The following ARCN1 variants were observed in gnomAD, a reference collection of about 807,000 sequenced individuals.
ARCN1 encodes the protein archain 1 coat protein complex I subunit delta.
Under a neutral mutation model 60.4 loss-of-function variants are expected in ARCN1, and 5 were observed. That is an observed-to-expected ratio of 0.08 (90% confidence interval 0.04 to 0.17). The LOEUF (loss-of-function observed/expected upper bound fraction) is 0.17, where lower values mean the gene tolerates loss of function less well. Ranked by LOEUF, ARCN1 falls within the 10% of genes least tolerant of loss-of-function variation. The probability of loss-of-function intolerance (pLI) is 1.00; values close to 1 mark genes in which losing one functional copy is unlikely to be tolerated. For synonymous variants in ARCN1, 224 were observed against 220.0 expected, an observed-to-expected ratio of 1.02 and a Z score of -0.16; for missense variants, 464 against 626.5, an observed-to-expected ratio of 0.74 and a Z score of 2.77.
In ARCN1 at chr11:118,602,243, CTTCT is replaced by C. The variant is rs1939163806; in HGVS notation, c.*1530_*1533del. 1 of 155,234 alleles carries C rather than the reference CTTCT, an allele frequency of 6.4e-6. No homozygotes were observed. The highest frequency in any genetic ancestry group is 1.4e-5 in the Non-Finnish European group (1 of 69,108). The allele number at this position is 155,234 out of a possible 1,614,324, so 9.6% of individuals were successfully genotyped here. ...TCTGTCCCCATCTCTGAAATCCTTC[CTTCT>C]CTTTCCCCCTAAGTCTTTTGAGTGT... On this transcript the variant is annotated 3_prime_UTR_variant, in exon 10 of 10. Coordinates refer to ENST00000264028, the MANE Select transcript of ARCN1 (RefSeq NM_001655.5).
At chr11:118,594,537 T>C (rs147349023) in intron 8 of ARCN1, among the ~76,000 whole-genome samples, 20 of 152,174 alleles carry the variant, frequency 1.3e-4, no homozygotes, top group African/African-American at 4.1e-4. Context: ...GAGCTGTTTT[T>C]ATTTATTTAT....
At chr11:118,573,404 C>T (rs1260152669) in intron 1 of ARCN1, among the ~76,000 whole-genome samples, 2 of 152,070 alleles carry the variant, frequency 1.3e-5, no homozygotes, top group Non-Finnish European at 2.9e-5. Context: ...TCATCTGTTA[C>T]AAGGATGAGA....
At chr11:118,598,633 T>G (rs965454666) in intron 9 of ARCN1, among the ~76,000 whole-genome samples, 1 of 150,902 alleles carries the variant, frequency 6.6e-6, no homozygotes, top group South Asian at 2.1e-4. Context: ...TAGCTGGAAA[T>G]ACAGGAATGC....
chr11:118,599,390 C>T (rs1555077750), intron 9 of ARCN1, among the ~76,000 whole-genome samples: 2 of 151,418 alleles, frequency 1.3e-5, no homozygotes, highest in Admixed American at 6.6e-5. Context: ...CGCGCTCGGC[C>T]CGGATCATTA....
intron 8 of ARCN1, among the ~76,000 whole-genome samples, chr11:118,595,450 A>C (rs1287587776): frequency 6.6e-6 from 1 of 152,242 alleles, no homozygotes; most frequent in African/African-American, 2.4e-5. Flanking sequence ...TTAATTGTAT[A>C]ATCTTGACAT....
chr11:118,593,771 A>G, intron 8 of ARCN1, 73 bp downstream of exon 8: 1 of 881,672 alleles, frequency 1.1e-6, no homozygotes, highest in East Asian at 2.6e-5. Flanking sequence ...TGGAGTCAGC[A>G]CCTACCTGAC....
intron 2 of ARCN1, among the ~76,000 whole-genome samples, chr11:118,581,967 C>CACACACACACACACACACACACA (rs1591383666): frequency 1.5e-4 from 23 of 150,454 alleles, no homozygotes; most frequent in East Asian, 1.3e-3. Flanking sequence ...CACACACACA[C>CACACACACACACACACACACACA]CTTTTAAGAC....
Position 118,600,902 on chromosome 11 carries a change from A to G in ARCN1, c.*188A>G. On this transcript the variant is annotated 3_prime_UTR_variant, in exon 10 of 10. Coordinates refer to ENST00000264028, the MANE Select transcript of ARCN1 (RefSeq NM_001655.5). The stretch of plus-strand genomic sequence containing the variant: ...TTCAGTGTCACAGAGACATTCTTTG[A>G]TAAGGAAATGGCACAAACATAAAGG... 2.2e-6 allele frequency: 1 copy of G among 445,740 alleles called. No homozygotes were observed. Among genetic ancestry groups the G allele is most frequent in the South Asian group, 2.7e-5 (1 of 36,464 alleles). The allele number at this position is 445,740 out of a possible 1,614,324, so 27.6% of individuals were successfully genotyped here. A position where few individuals can be genotyped will look rare whatever the true frequency, so the allele number is the denominator to read the frequency against.
chr11:118,580,037 T>A (rs1555074337), intron 1 of ARCN1, among the ~76,000 whole-genome samples: 1 of 152,024 alleles, frequency 6.6e-6, no homozygotes, highest in African/African-American at 2.4e-5. Context: ...AAATTGTGAG[T>A]TCTGGCTAGG....
At chr11:118,592,581 ATG>A in intron 6 of ARCN1, 126 bp from the exon 7 acceptor site, 1 of 631,926 alleles carries the variant, frequency 1.6e-6, no homozygotes, top group Non-Finnish European at 2.5e-6. Flanking sequence ...TTTCTTCAAA[ATG>A]AAAAAGAATT....
intron 2 of ARCN1, 44 bp downstream of exon 2, chr11:118,581,553 A>G (rs782804215): frequency 5.1e-6 from 8 of 1,558,584 alleles, no homozygotes; most frequent in Non-Finnish European, 6.9e-6. Context: ...TTTGTTTTAC[A>G]TTTTATGTGA....
At chr11:118,576,995 G>A (rs1017505617) in intron 1 of ARCN1, among the ~76,000 whole-genome samples, 2 of 151,986 alleles carry the variant, frequency 1.3e-5, no homozygotes, top group Non-Finnish European at 2.9e-5. Context: ...GACCAGCCTG[G>A]GCAACATGGC....
At chr11:118,575,438 TTTAA>T (rs1199862108) in intron 1 of ARCN1, among the ~76,000 whole-genome samples, 4 of 127,728 alleles carry the variant, frequency 3.1e-5, no homozygotes, top group Admixed American at 1.5e-4. Context: ...GTGTGTGTGT[TTTAA>T]TTCTCTGCAA....
intron 8 of ARCN1, among the ~76,000 whole-genome samples, chr11:118,595,955 T>C (rs1017566602): frequency 4.6e-5 from 7 of 151,998 alleles, no homozygotes; most frequent in African/African-American, 9.7e-5. Flanking sequence ...TAGTTCCAGC[T>C]ACTCCGGAGG....
intron 8 of ARCN1, among the ~76,000 whole-genome samples, chr11:118,596,950 C>T (rs61900950): frequency 0.042 from 6,414 of 152,286 alleles, 197 homozygotes; most frequent in Middle Eastern, 0.086. Flanking sequence ...TGGCTCATGC[C>T]TGTAATCTCA....
chr11:118,591,145 AGT>A lies in ARCN1; in HGVS notation c.984+648_984+649del, dbSNP rs1413876144. Among the ~76,000 whole-genome samples, 12 of 152,354 alleles carry A rather than the reference AGT, an allele frequency of 7.9e-5. No individual in the cohort carries two copies. The East Asian group carries it at 2.3e-3, about 29-fold the overall frequency. On this transcript the variant is annotated intron_variant, in intron 6 of 9. Coordinates refer to ENST00000264028, the MANE Select transcript of ARCN1 (RefSeq NM_001655.5). ...AAGTACATAAAATCCTTTCAATATA[AGT>A]GTGTGTGTTCCAACTATTGGATAGA...
intron 2 of ARCN1, 30 bp from the exon 3 acceptor site, chr11:118,583,149 T>C (rs373790189): frequency 3.7e-6 from 6 of 1,608,966 alleles, no homozygotes; most frequent in Non-Finnish European, 5.1e-6. Flanking sequence ...AAATTCTAAA[T>C]CTTTCTTTTT....
chr11:118,587,900 CATTT>C (rs1229641902), intron 5 of ARCN1, among the ~76,000 whole-genome samples: 1 of 152,202 alleles, frequency 6.6e-6, no homozygotes, highest in African/African-American at 2.4e-5. Context: ...ACTTACTTGA[CATTT>C]ATCAGTTTGT....
In ARCN1 at chr11:118,572,500, AT is replaced by A; in HGVS notation, c.-47del. 6.2e-7 allele frequency: 1 copy of A among 1,608,788 alleles called. No individual in the cohort carries two copies. ...CTCCCGTTCCCCAGACCCTACCCCT[AT>A]CCCCAGTGGAGCCGGAGTGCGGGCG... On this transcript the variant is annotated 5_prime_UTR_variant, in exon 1 of 10. Transcript: ENST00000264028.
Sources: allele counts gnomAD v4.1 joint callset (sites outside exome capture counted in the v4.1 genomes callset), GRCh38; gene constraint gnomAD v4.1.1; transcripts MANE v1.5; gene names NCBI Gene and HGNC (gene_info 2026-07-23, HGNC 2026-07-21).